Variants in MUC5B observed in about 807,000 individuals in gnomAD.
MUC5B encodes the protein mucin-5B.
Under a neutral mutation model 376.9 loss-of-function variants are expected in MUC5B, and 116 were observed. That is an observed-to-expected ratio of 0.31 (90% CI 0.26 to 0.36). The LOEUF is 0.36. MUC5B is among the 10% of genes least tolerant of loss of function. The probability of loss-of-function intolerance (pLI) is 1.00; values close to 1 mark genes in which losing one functional copy is unlikely to be tolerated. For missense variants in MUC5B, 7,165 were observed against 7,769.9 expected (o/e 0.92, Z 2.93); for synonymous variants, 3,517 against 3,390.9 (o/e 1.04, Z -1.29).
At position 1,257,472 on chromosome 11, in the gene MUC5B, C is replaced by T. The variant is rs1194656511; in HGVS notation, c.16270-58C>T. ...GAGGGAGGGGGTGGCTGGACAGATG[C>T]CCAGGGTTGACCTGTGTCTGTCCAG... is the stretch of plus-strand genomic sequence containing the variant. On this transcript the variant is annotated intron_variant, in intron 40 of 48. Coordinates refer to ENST00000529681, the MANE Select transcript of MUC5B (RefSeq NM_002458.3). This position sits in a 1 kb window ranked among gnomAD's most constrained non-coding sequence, Gnocchi z 8.9. 5 of 1,578,994 alleles carry T rather than the reference C, an allele frequency of 3.2e-6. No homozygotes were observed. The highest frequency in any genetic ancestry group is 2.3e-5 in the East Asian group (1 of 44,218).
chr11:1,244,170 G>A lies in MUC5B; in HGVS notation c.7290G>A (p.Pro2430=), dbSNP rs2334753. Residue 2430 remains proline, a synonymous_variant, in exon 31 of 49, where the codon CCG becomes CCA. Coordinates refer to ENST00000529681, the MANE Select transcript of MUC5B (RefSeq NM_002458.3). ...TSSTAMPSST[P]GTTWILTELT... Reference sequence around the variant, plus strand: ...CTACGGCCATGCCCTCCTCCACTCCGGGGACGACCTGGATCCTCACAGAGC... The same window carrying A: ...CTACGGCCATGCCCTCCTCCACTCCAGGGACGACCTGGATCCTCACAGAGC... The A allele has an allele frequency of 1.0e-4, 162 of 1,612,430 alleles. No homozygotes were observed. Among genetic ancestry groups the A allele is most frequent in the Middle Eastern group, 1.7e-4 (1 of 5,970 alleles).
At chr11:1,232,894 T>C in intron 17 of MUC5B, 119 bp from the exon 18 acceptor site, 3 of 1,459,810 alleles carry the variant, frequency 2.1e-6, no homozygotes, top group Non-Finnish European at 2.7e-6. Flanking sequence ...CATCCCAGCC[T>C]CGCAAGAACC....
At chr11:1,255,013 AG>A in intron 35 of MUC5B, 27 bp from the exon 36 acceptor site, 1 of 1,554,790 alleles carries the variant, frequency 6.4e-7, no homozygotes, top group Non-Finnish European at 8.7e-7. Context: ...CCCAGATTCC[AG>A]CCCCGCGGTG....
At chr11:1,228,386 C>A in intron 7 of MUC5B, 178 bp from the exon 8 acceptor site, 1 of 607,746 alleles carries the variant, frequency 1.6e-6, no homozygotes, top group South Asian at 2.3e-5. Context: ...ACGGGTCACT[C>A]CCCAAGGGCC....
In MUC5B at chr11:1,250,044, G is replaced by A. The variant is rs370908099; in HGVS notation, c.13164G>A (p.Thr4388=). The A allele has an allele frequency of 2.1e-5, 33 of 1,608,546 alleles. No individual in the cohort carries two copies. Among genetic ancestry groups the A allele is most frequent in the Admixed American group, 5.0e-5 (3 of 59,642 alleles). ...CCACCCCCTCCTCCACTCCGGGGAC[G>A]ACCTGGATCCTCACAGAGCTGACCA... is the stretch of plus-strand genomic sequence containing the variant. ...STSTPSSTPG[T]TWILTELTTA... Residue 4388 remains threonine, a synonymous_variant, in exon 31 of 49, where the codon ACG becomes ACA. Transcript: ENST00000529681.
At position 1,226,879 on chromosome 11, in the gene MUC5B, G is replaced by T. The variant is rs761919539; in HGVS notation, c.461+3G>T. 1 of 1,603,182 alleles carries T rather than the reference G, an allele frequency of 6.2e-7. No homozygotes were observed. Among genetic ancestry groups the T allele is most frequent in the East Asian group, 2.2e-5 (1 of 44,656 alleles). On this transcript the variant is annotated splice_donor_region_variant and intron_variant, in intron 4 of 48. Coordinates refer to ENST00000529681, the MANE Select transcript of MUC5B (RefSeq NM_002458.3). ...TCCGTCCTCATCAATGGGCAGCGGTGAGCCGGCCACCCTGGGGAGGGGCGA... is the reference window on the plus strand; with the variant it reads ...TCCGTCCTCATCAATGGGCAGCGGTTAGCCGGCCACCCTGGGGAGGGGCGA...
chr11:1,233,587 G>A (rs1862083658), intron 18 of MUC5B, among the ~76,000 whole-genome samples: 1 of 152,172 alleles, frequency 6.6e-6, no homozygotes, highest in South Asian at 2.1e-4. Context: ...GGTCCTGGCT[G>A]CTTTGCTGCC....
chr11:1,237,331 C>A (rs1308662225), intron 25 of MUC5B, among the ~76,000 whole-genome samples, 167 bp downstream of exon 25: 1 of 152,218 alleles, frequency 6.6e-6, no homozygotes, highest in African/African-American at 2.4e-5. Flanking sequence ...CTCCCGTCAG[C>A]CCCACACCTG....
In MUC5B at chr11:1,249,529, G is replaced by C. The variant is rs1590186596; in HGVS notation, c.12649G>C (p.Glu4217Gln). 1 of 1,612,382 alleles carries C rather than the reference G, an allele frequency of 6.2e-7. No individual in the cohort carries two copies. The highest frequency in any genetic ancestry group is 2.2e-5 in the East Asian group (1 of 44,874). Residue 4217 changes from glutamate to glutamine, a missense_variant, in exon 31 of 49, where the codon GAA (glutamate) becomes CAA (glutamine). Glu to Gln is a conservative substitution (Grantham distance 29). Transcript: ENST00000529681. ...VGKFKMCFNYEIRVFCCNYGH... is the reference protein window; with the variant it reads ...VGKFKMCFNYQIRVFCCNYGH... Reference sequence around the variant, plus strand: ...GAAGTTCAAGATGTGCTTCAACTATGAAATCCGTGTGTTCTGCTGCAACTA... The same window carrying C: ...GAAGTTCAAGATGTGCTTCAACTATCAAATCCGTGTGTTCTGCTGCAACTA...
Position 1,251,601 on chromosome 11 carries a change from A to C in MUC5B, c.14721A>C (p.Ala4907=), listed in dbSNP as rs1257408229. 1.9e-6 allele frequency: 3 copies of C among 1,612,880 alleles called. No homozygotes were observed. The highest frequency in any genetic ancestry group is 8.5e-7 in the Non-Finnish European group (1 of 1,179,804). Residue 4907 remains alanine, a synonymous_variant, in exon 31 of 49, where the codon GCA becomes GCC. Transcript: ENST00000529681. Reference sequence around the variant, plus strand: ...CCGTGGGGACCACCCGCACCCCTGCAGTGCTCCCCAGCAGCCTGCCAACCT... The same window carrying C: ...CCGTGGGGACCACCCGCACCCCTGCCGTGCTCCCCAGCAGCCTGCCAACCT... ...SSTVGTTRTP[A]VLPSSLPTFS...
rs1861863960 is a variant in MUC5B at position 1,225,697 on chromosome 11, G to A, written c.87G>A (p.Val29=). ...TTCCCACAGAGACCCAGGGCCCTGT[G>A]GAGCCGAGCTGGGAGAATGCAGGGC... ...VVPQAETQGP[V]EPSWENAGHT... is the part of the protein sequence containing the mutation. Residue 29 remains valine (V), a synonymous_variant, in exon 2 of 49, where the codon GTG becomes GTA. Transcript: ENST00000529681. 6.2e-7 allele frequency: 1 copy of A among 1,605,200 alleles called. No homozygotes were observed. Among genetic ancestry groups the A allele is most frequent in the African/African-American group, 1.3e-5 (1 of 74,920 alleles).
chr11:1,241,021 C>T lies in MUC5B; in HGVS notation c.4141C>T (p.Arg1381Trp), dbSNP rs1862268954. ...CCCTGTGCTGGCTGACATCGAGTGC[C>T]GGGCGGCGCAGCTTCCCGACATGCC... is the stretch of plus-strand genomic sequence containing the variant. The part of the protein sequence containing the change: ...VCPVLADIEC[R>W]AAQLPDMPLE... Residue 1381 changes from arginine (R) to tryptophan (W), a missense_variant, in exon 31 of 49, where the codon CGG becomes TGG. Arg to Trp is a moderately radical substitution (Grantham distance 101). Coordinates refer to ENST00000529681, the MANE Select transcript of MUC5B (RefSeq NM_002458.3). The T allele has an allele frequency of 3.1e-6, 5 of 1,612,718 alleles. No homozygotes were observed. The highest frequency in any genetic ancestry group is 4.2e-6 in the Non-Finnish European group (5 of 1,179,836).
chr11:1,251,844 T>C, intron 31 of MUC5B, 101 bp downstream of exon 31: 1 of 882,592 alleles, frequency 1.1e-6, no homozygotes. Context: ...CTGCTGGTCA[T>C]GTTTGTTCCC....
Position 1,256,237 on chromosome 11 carries a change from G to A in MUC5B, c.16136+12G>A. 1 of 721,636 alleles carries A rather than the reference G, an allele frequency of 1.4e-6. No individual in the cohort carries two copies. Among genetic ancestry groups the A allele is most frequent in the Non-Finnish European group, 2.6e-6 (1 of 387,844 alleles). The allele number at this position is 721,636 out of a possible 1,614,324, so 44.7% of individuals were successfully genotyped here. A position where few individuals can be genotyped will look rare whatever the true frequency, so the allele number is the denominator to read the frequency against. On this transcript the variant is annotated intron_variant, in intron 38 of 48. Transcript: ENST00000529681. ...ACCTGCAACTCTAGGTAAGTACAGGGATGGCTGGTGCCTTCCCTGCCACCC... is the reference window on the plus strand; with the variant it reads ...ACCTGCAACTCTAGGTAAGTACAGGAATGGCTGGTGCCTTCCCTGCCACCC...
intron 31 of MUC5B, 107 bp downstream of exon 31, chr11:1,251,850 T>C: frequency 2.4e-6 from 2 of 839,248 alleles, no homozygotes; most frequent in East Asian, 2.6e-5. Context: ...GTCATGTTTG[T>C]TCCCCACTGG....
rs755626984 is a variant in MUC5B, at chr11:1,237,068, C to G, written c.3201C>G (p.Pro1067=). 4 of 1,582,012 alleles carry G rather than the reference C, an allele frequency of 2.5e-6. No individual in the cohort carries two copies. The highest frequency in any genetic ancestry group is 3.4e-6 in the Non-Finnish European group (4 of 1,162,610). The change falls in exon 25 of 49, where the codon CCC becomes CCG. Residue 1067 remains proline (P), a synonymous_variant. Transcript: ENST00000529681. ...LSPSCPDALA[P]KDPCTANPFR... The stretch of plus-strand genomic sequence containing the variant: ...CCTCCTGCCCGGACGCCCTGGCACC[C>G]AAGGACCCCTGCACGGCCAACCCCT...
chr11:1,230,787 G>A (rs1862010995), intron 12 of MUC5B, 149 bp from the exon 13 acceptor site: 1 of 1,014,532 alleles, frequency 9.9e-7, no homozygotes. Flanking sequence ...CTCCCGGGGG[G>A]GCAATTGCAG....
chr11:1,231,838 C>T (rs1208997291), intron 14 of MUC5B, among the ~76,000 whole-genome samples, 158 bp from the exon 15 acceptor site: 1 of 152,152 alleles, frequency 6.6e-6, no homozygotes, highest in African/African-American at 2.4e-5. Context: ...CACAGGGGCG[C>T]CCCCCGCCAG....
chr11:1,248,477 C>G lies in MUC5B; in HGVS notation c.11597C>G (p.Pro3866Arg), dbSNP rs187569173. ...TPGTAHTTKV[P>R]TTTTTGFTVT... ...GGAACAGCTCACACTACCAAAGTGC[C>G]GACTACCACAACCACGGGCTTCACA... Residue 3866 changes from proline to arginine, a missense_variant, in exon 31 of 49, where the codon CCG becomes CGG. Physicochemically the swap from Pro to Arg is moderately radical, Grantham distance 103 (BLOSUM62 -2). This residue lies in a region of MUC5B where 242 missense variants were observed against 199.0 expected (regional missense o/e 1.22). Transcript: ENST00000529681. 1.9e-6 allele frequency: 3 copies of G among 1,599,938 alleles called. No individual in the cohort carries two copies. The highest frequency in any genetic ancestry group is 2.6e-6 in the Non-Finnish European group (3 of 1,170,472).
Sources: gnomAD v4.1 joint callset for allele counts (sites outside exome capture counted in the v4.1 genomes callset) on GRCh38, gnomAD v4.1.1 for gene constraint, gnomAD v4.1.1 regional missense constraint, Gnocchi (gnomAD v3.1) non-coding constraint, MANE v1.5 for transcripts, NCBI Gene and HGNC (gene_info 2026-07-23, HGNC 2026-07-21) for gene names.